Variants in LMBRD1 observed in about 807,000 individuals in gnomAD.
LMBRD1 encodes the protein lysosomal cobalamin transport escort protein LMBD1.
In LMBRD1, 64 loss-of-function variants were observed where a neutral mutation model predicts 74.8. That is an observed-to-expected ratio of 0.86 (90% confidence interval 0.70 to 1.05). The LOEUF (loss-of-function observed/expected upper bound fraction) is 1.05. Ranked by LOEUF, LMBRD1 falls within the 50% of genes least tolerant of loss-of-function variation. LMBRD1 has a pLI of 0.00. For missense variants in LMBRD1, 652 were observed against 645.9 expected (o/e 1.01, Z -0.10); for synonymous variants, 204 against 216.3 (o/e 0.94, Z 0.50).
Position 69,731,572 on chromosome 6 carries a change from T to C in LMBRD1, c.636+6370A>G, listed in dbSNP as rs575031497. Among the ~76,000 whole-genome samples, 9 of 152,196 alleles carry C rather than the reference T, an allele frequency of 5.9e-5. No individual in the cohort carries two copies. The South Asian group carries it at 8.3e-4, about 14-fold the overall frequency. On this transcript the variant is annotated intron_variant, in intron 7 of 15. Transcript: ENST00000649934. ...TCAGTACAGTAGTCAATAAATTACATAAGAAAATATTTGATATTTTATTGT... is the reference window on the plus strand; with the variant it reads ...TCAGTACAGTAGTCAATAAATTACACAAGAAAATATTTGATATTTTATTGT...
chr6:69,786,693 A>T (rs763031610), intron 2 of LMBRD1, among the ~76,000 whole-genome samples: 19 of 152,214 alleles, frequency 1.2e-4, no homozygotes, highest in Non-Finnish European at 2.4e-4. Context: ...GCTGAAAGAA[A>T]GGTCAACAGA....
chr6:69,750,481 T>C (rs879820964), intron 4 of LMBRD1, among the ~76,000 whole-genome samples: 11 of 152,040 alleles, frequency 7.2e-5, no homozygotes, highest in Admixed American at 3.9e-4. Context: ...AAGTTAATAA[T>C]AATCTCATTT....
Position 69,767,828 on chromosome 6 carries a change from T to C in LMBRD1, c.307+12666A>G, listed in dbSNP as rs535152662. Among the ~76,000 whole-genome samples the C allele has an allele frequency of 7.2e-5, 11 of 152,076 alleles. No homozygotes were observed. The South Asian group carries it at 1.7e-3, about 23-fold the overall frequency. ...CAAATTTGCAACTAATATTGGTGAA[T>C]TATCTATTTTGCCTATCAATTCTGC... is the stretch of plus-strand genomic sequence containing the variant. On this transcript the variant is annotated intron_variant, in intron 3 of 15. Coordinates refer to ENST00000649934, the MANE Select transcript of LMBRD1 (RefSeq NM_018368.4).
chr6:69,769,160 GC>G (rs1765528218), intron 3 of LMBRD1, among the ~76,000 whole-genome samples: 2 of 151,958 alleles, frequency 1.3e-5, no homozygotes, highest in Admixed American at 1.3e-4. Flanking sequence ...TAAACTTGAT[GC>G]TGACCCACAG....
chr6:69,711,938 AC>A (rs1175273591), intron 9 of LMBRD1, among the ~76,000 whole-genome samples: 2 of 152,258 alleles, frequency 1.3e-5, no homozygotes, highest in South Asian at 2.1e-4. Context: ...TCACCCAGGT[AC>A]TAAGCAAGGA....
chr6:69,733,398 A>G (rs1766904589), intron 7 of LMBRD1, among the ~76,000 whole-genome samples: 1 of 152,184 alleles, frequency 6.6e-6, no homozygotes, highest in South Asian at 2.1e-4. Context: ...TATGATAATT[A>G]TACTATTTAA....
At chr6:69,742,087 T>G (rs1432609018) in intron 5 of LMBRD1, among the ~76,000 whole-genome samples, 2 of 152,154 alleles carry the variant, frequency 1.3e-5, no homozygotes, top group Non-Finnish European at 2.9e-5. Context: ...GTTTCCTTTG[T>G]AATCCCGTAT....
At chr6:69,681,803 T>C (rs1765669299) in intron 14 of LMBRD1, among the ~76,000 whole-genome samples, 1 of 151,988 alleles carries the variant, frequency 6.6e-6, no homozygotes, top group South Asian at 2.1e-4. Flanking sequence ...TTGCTACTAT[T>C]GAATATTTAT....
chr6:69,748,453 G>A (rs9454882), intron 5 of LMBRD1, among the ~76,000 whole-genome samples: 12,207 of 152,060 alleles, frequency 0.08, 651 homozygotes, highest in Admixed American at 0.15. Flanking sequence ...CAGGTAAAAA[G>A]AACTGAAAAT....
rs144550698 is a variant in LMBRD1 at position 69,777,860 on chromosome 6, T to C, written c.307+2634A>G. Among the ~76,000 whole-genome samples the C allele has an allele frequency of 3.5e-3, 529 of 152,368 alleles. 5 individuals are homozygous for C. The highest frequency in any genetic ancestry group is 0.012 in the African/African-American group (503 of 41,590). On this transcript the variant is annotated intron_variant, in intron 3 of 15. Coordinates refer to ENST00000649934, the MANE Select transcript of LMBRD1 (RefSeq NM_018368.4). ...AGAGATGGATAAAAACTGTGTTTTCTGTTTGAACTCTGTATAGTCCTCAAA... is the reference window on the plus strand; with the variant it reads ...AGAGATGGATAAAAACTGTGTTTTCCGTTTGAACTCTGTATAGTCCTCAAA...
intron 7 of LMBRD1, among the ~76,000 whole-genome samples, chr6:69,735,174 A>G (rs1766947857): frequency 1.3e-5 from 2 of 152,214 alleles, no homozygotes; most frequent in Non-Finnish European, 2.9e-5. Flanking sequence ...GCTGGAGCCT[A>G]TCCCACTAGC....
At chr6:69,751,567 A>G (rs899904447) in intron 4 of LMBRD1, among the ~76,000 whole-genome samples, 3 of 152,148 alleles carry the variant, frequency 2.0e-5, no homozygotes, top group Non-Finnish European at 2.9e-5. Flanking sequence ...ACCTCAGGTG[A>G]TCCGCCCGCC....
intron 14 of LMBRD1, among the ~76,000 whole-genome samples, chr6:69,689,495 G>A (rs944659855): frequency 6.6e-6 from 1 of 152,094 alleles, no homozygotes; most frequent in Non-Finnish European, 1.5e-5. Flanking sequence ...TGAGAACCTG[G>A]TTAGAACTGA....
chr6:69,703,334 T>C (rs1766174635), intron 9 of LMBRD1, among the ~76,000 whole-genome samples: 1 of 151,744 alleles, frequency 6.6e-6, no homozygotes, highest in Non-Finnish European at 1.5e-5. Flanking sequence ...TCCTTCCTAA[T>C]AGCTGTTAAC....
chr6:69,752,160 A>G (rs1765171313), intron 4 of LMBRD1, 99 bp downstream of exon 4: 2 of 1,167,142 alleles, frequency 1.7e-6, no homozygotes, highest in Non-Finnish European at 2.4e-6. Context: ...TCTATTAGAC[A>G]ACACTGCTCT....
At chr6:69,788,338 T>C (rs1358848911) in intron 2 of LMBRD1, among the ~76,000 whole-genome samples, 1 of 152,078 alleles carries the variant, frequency 6.6e-6, no homozygotes, top group Non-Finnish European at 1.5e-5. Flanking sequence ...ATATATATCA[T>C]TATCTATTTA....
At chr6:69,759,648 G>T (rs1765337425) in intron 3 of LMBRD1, among the ~76,000 whole-genome samples, 1 of 151,828 alleles carries the variant, frequency 6.6e-6, no homozygotes, top group African/African-American at 2.4e-5. Context: ...TACAGAAAAG[G>T]TCCCTTTTAA....
At chr6:69,704,563 G>C (rs564135436) in intron 9 of LMBRD1, among the ~76,000 whole-genome samples, 1 of 152,050 alleles carries the variant, frequency 6.6e-6, no homozygotes, top group African/African-American at 2.4e-5. Flanking sequence ...CTTACTTTCT[G>C]GCATCAGATG....
intron 3 of LMBRD1, among the ~76,000 whole-genome samples, chr6:69,765,219 T>C (rs1054988587): frequency 6.6e-6 from 1 of 152,062 alleles, no homozygotes; most frequent in Non-Finnish European, 1.5e-5. Flanking sequence ...GAGTGAGCCA[T>C]TGTGCCCCCC....
Sources: gnomAD v4.1 joint callset for allele counts (sites outside exome capture counted in the v4.1 genomes callset) on GRCh38, gnomAD v4.1.1 for gene constraint, MANE v1.5 for transcripts, NCBI Gene and HGNC (gene_info 2026-07-23, HGNC 2026-07-21) for gene names.